Variants in SEC13 observed in about 807,000 individuals in gnomAD.
The protein encoded by SEC13 is SEC13 homolog, nuclear pore and COPII component.
A neutral mutation model predicts 49.2 loss-of-function variants in SEC13; 25 were observed. That is an observed-to-expected ratio of 0.51 (90% CI 0.37 to 0.71). The LOEUF (loss-of-function observed/expected upper bound fraction) is 0.71. SEC13 is among the 30% of genes least tolerant of loss of function. SEC13 has a pLI of 0.00. For missense variants in SEC13, 383 were observed against 417.6 expected (o/e 0.92, Z 0.72); for synonymous variants, 148 against 163.9 (o/e 0.90, Z 0.74).
intron 8 of SEC13, 53 bp downstream of exon 8, chr3:10,303,973 G>T (rs185250810): frequency 6.2e-7 from 1 of 1,600,518 alleles, no homozygotes; most frequent in Non-Finnish European, 8.5e-7. Flanking sequence ...TCTAGTGGGC[G>T]GGGTGAAGAC....
chr3:10,320,606 A>T, intron 1 of SEC13: 1 of 995,212 alleles, frequency 1.0e-6, no homozygotes, highest in Non-Finnish European at 1.2e-6. Context: ...TCTCGGCTCT[A>T]CTACCACTTA....
intron 2 of SEC13, among the ~76,000 whole-genome samples, chr3:10,316,111 G>A (rs1188128670): frequency 2.6e-5 from 4 of 152,072 alleles, no homozygotes; most frequent in African/African-American, 9.7e-5. Context: ...CTTGTGAACC[G>A]AATTCCTTGA....
chr3:10,305,815 A>G (rs973472126), intron 5 of SEC13, 123 bp from the exon 6 acceptor site: 2 of 1,022,100 alleles, frequency 2.0e-6, no homozygotes, highest in Admixed American at 4.4e-5. Flanking sequence ...GCTGACATGA[A>G]GCACTCATCA....
chr3:10,316,620 T>C (rs1417558341), intron 2 of SEC13, among the ~76,000 whole-genome samples: 2 of 152,220 alleles, frequency 1.3e-5, no homozygotes, highest in African/African-American at 4.8e-5. Flanking sequence ...AGTTTCCTTA[T>C]CTTTATTATT....
intron 8 of SEC13, among the ~76,000 whole-genome samples, chr3:10,302,047 G>C (rs1700561808): frequency 6.6e-6 from 1 of 152,038 alleles, no homozygotes; most frequent in Non-Finnish European, 1.5e-5. Flanking sequence ...TTCGCGACCA[G>C]CCTGAACTGG....
At chr3:10,311,879 C>T in intron 5 of SEC13, 86 bp downstream of exon 5, 1 of 1,612,296 alleles carries the variant, frequency 6.2e-7, no homozygotes, top group South Asian at 1.1e-5. Context: ...AGCGGGGACC[C>T]TCCCGTGCCA....
At chr3:10,312,764 A>G in intron 3 of SEC13, 34 bp from the exon 4 acceptor site, 3 of 1,611,888 alleles carry the variant, frequency 1.9e-6, no homozygotes, top group Non-Finnish European at 2.5e-6. Context: ...AGGAACCCAC[A>G]GTGCCTCTGC....
chr3:10,315,531 A>G, intron 2 of SEC13, 95 bp from the exon 3 acceptor site: 1 of 700,218 alleles, frequency 1.4e-6, no homozygotes, highest in South Asian at 1.8e-5. Flanking sequence ...TTGGACCAGA[A>G]TCTCCCTGAA....
chr3:10,320,019 G>A (rs1214993041), intron 1 of SEC13, among the ~76,000 whole-genome samples: 1 of 151,010 alleles, frequency 6.6e-6, no homozygotes, highest in Non-Finnish European at 1.5e-5. Flanking sequence ...GAGAGAGAGA[G>A]AGAGAGAGAA....
intron 6 of SEC13, 169 bp downstream of exon 6, chr3:10,305,390 T>G: frequency 2.0e-6 from 2 of 1,014,502 alleles, no homozygotes; most frequent in Non-Finnish European, 2.9e-6. Flanking sequence ...GGTGAACAGG[T>G]GTTGTGTTGT....
chr3:10,312,220 A>G, intron 4 of SEC13, 122 bp from the exon 5 acceptor site: 2 of 1,437,844 alleles, frequency 1.4e-6, no homozygotes, highest in Non-Finnish European at 1.8e-6. Context: ...TCACCGGGGG[A>G]AGCTGTAACT....
intron 1 of SEC13, 139 bp downstream of exon 1, chr3:10,320,911 G>A: frequency 1.4e-6 from 2 of 1,480,008 alleles, no homozygotes; most frequent in South Asian, 1.4e-5. Context: ...GACGGGGCCA[G>A]AGCCCCCCAA....
At chr3:10,305,382 T>A in intron 6 of SEC13, 177 bp downstream of exon 6, 1 of 1,021,850 alleles carries the variant, frequency 9.8e-7, no homozygotes, top group Non-Finnish European at 1.4e-6. Context: ...GGGAATTAGG[T>A]GAACAGGTGT....
At chr3:10,314,179 A>C (rs1476265533) in intron 3 of SEC13, among the ~76,000 whole-genome samples, 1 of 152,164 alleles carries the variant, frequency 6.6e-6, no homozygotes, top group Admixed American at 6.5e-5. Flanking sequence ...CAGTGGCACC[A>C]TCGTGGCTCA....
intron 8 of SEC13, 118 bp from the exon 9 acceptor site, chr3:10,301,492 G>GC (rs1447774922): frequency 7.7e-7 from 1 of 1,297,818 alleles, no homozygotes; most frequent in Non-Finnish European, 1.1e-6. Flanking sequence ...GGTGAACAGA[G>GC]CATGTCCCTC....
intron 7 of SEC13, 107 bp from the exon 8 acceptor site, chr3:10,304,279 G>A: frequency 8.4e-7 from 1 of 1,188,968 alleles, no homozygotes; most frequent in Non-Finnish European, 1.2e-6. Flanking sequence ...CAGGAACAGG[G>A]TGGGGGATTC....
intron 1 of SEC13, among the ~76,000 whole-genome samples, chr3:10,319,864 C>CGAGAGAGAGGGAGAGAAAGGGAGA (rs150859448): frequency 2.6e-5 from 1 of 37,868 alleles, no homozygotes; most frequent in East Asian, 7.4e-4. Flanking sequence ...GGAGGAAGGG[C>CGAGAGAGAGGGAGAGAAAGGGAGA]GGGAGAGAAA....
chr3:10,312,868 A>G, intron 3 of SEC13, 138 bp from the exon 4 acceptor site: 2 of 807,096 alleles, frequency 2.5e-6, no homozygotes, highest in Non-Finnish European at 3.9e-6. Context: ...ATACAATGCC[A>G]TTGCAAAAGG....
intron 8 of SEC13, among the ~76,000 whole-genome samples, chr3:10,303,372 G>C (rs978756324): frequency 2.6e-5 from 4 of 152,234 alleles, no homozygotes; most frequent in African/African-American, 9.6e-5. Flanking sequence ...TGGGCAGATG[G>C]CTATGGCTTG....
Sources: allele counts gnomAD v4.1 joint callset (sites outside exome capture counted in the v4.1 genomes callset), GRCh38; gene constraint gnomAD v4.1.1; transcripts MANE v1.5; gene names NCBI Gene and HGNC (gene_info 2026-07-23, HGNC 2026-07-21).